IGHMBP2: variants seen among roughly 807,000 people sequenced by gnomAD.
IGHMBP2 encodes the protein immunoglobulin mu DNA binding protein 2, also known as DNA-binding protein SMUBP-2.
IGHMBP2 carries 81 observed loss-of-function variants against 96.0 expected under a neutral mutation model. The observed-to-expected ratio is 0.84, with a 90% CI of 0.71 to 1.01. The LOEUF (loss-of-function observed/expected upper bound fraction) is 1.01, where lower values mean the gene tolerates loss of function less well. Ranked by LOEUF, IGHMBP2 falls within the 50% of genes least tolerant of loss-of-function variation. The pLI is 0.00. For missense variants in IGHMBP2, 1,227 were observed against 1,306.3 expected (o/e 0.94, Z 0.94); for synonymous variants, 557 against 548.9 (o/e 1.01, Z -0.21).
rs542267674 is a variant in IGHMBP2 at position 68,933,526 on chromosome 11, C to T, written c.1418+45C>T. On this transcript the variant is annotated intron_variant, in intron 9 of 14. Coordinates refer to ENST00000255078, the MANE Select transcript of IGHMBP2 (RefSeq NM_002180.3). ...CCGCCGCCCCATCCTTCTGCCCTGG[C>T]TAATCCTCTGCGTCACCTGTTTCTA... The T allele has an allele frequency of 2.5e-5, 40 of 1,579,842 alleles. No individual in the cohort carries two copies. In the South Asian group the frequency reaches 4.2e-4, roughly 17 times the overall value.
At chr11:68,925,190 G>C (rs1859020014) in intron 7 of IGHMBP2, among the ~76,000 whole-genome samples, 1 of 146,520 alleles carries the variant, frequency 6.8e-6, no homozygotes, top group East Asian at 2.0e-4. Flanking sequence ...CTGTTGCCCA[G>C]GCTGTAGTGC....
At position 68,906,188 on chromosome 11, in the gene IGHMBP2, C is replaced by G; in HGVS notation, c.206C>G (p.Pro69Arg). ...LYGRLLVTFE[P>R]RRYGSAAALP... ...GGACGGCTGCTGGTCACCTTTGAGC[C>G]CAGGCGATACGGGTCCGCGGCAGCT... The change falls in exon 2 of 15, where the codon CCC becomes CGC. Residue 69 changes from proline to arginine, a missense_variant. Physicochemically the swap from Pro to Arg is moderately radical, Grantham distance 103 (BLOSUM62 -2). Transcript: ENST00000255078. 1 of 1,614,134 alleles carries G rather than the reference C, an allele frequency of 6.2e-7. No individual in the cohort carries two copies. The highest frequency in any genetic ancestry group is 8.5e-7 in the Non-Finnish European group (1 of 1,180,036).
At chr11:68,908,402 A>G in intron 3 of IGHMBP2, 65 bp downstream of exon 3, 4 of 1,527,294 alleles carry the variant, frequency 2.6e-6, no homozygotes, top group Admixed American at 1.7e-5. Context: ...CCATTCTTAC[A>G]TGCCTGTCGC....
intron 4 of IGHMBP2, among the ~76,000 whole-genome samples, chr11:68,909,391 G>A (rs73527306): frequency 0.032 from 4,809 of 151,742 alleles, 254 homozygotes; most frequent in African/African-American, 0.11. Context: ...TCTTGGCCAG[G>A]CTGTTCTCAA....
intron 10 of IGHMBP2, 182 bp downstream of exon 10, chr11:68,934,095 C>T (rs1859428165): frequency 1.5e-6 from 1 of 655,254 alleles, no homozygotes; most frequent in African/African-American, 1.8e-5. Context: ...GGTGAGCAGA[C>T]CGCTCCTGGG....
At chr11:68,907,815 G>A (rs949052625) in intron 2 of IGHMBP2, among the ~76,000 whole-genome samples, 15 of 151,758 alleles carry the variant, frequency 9.9e-5, no homozygotes, top group African/African-American at 2.9e-4. Context: ...TCAGCCTCCC[G>A]AGTAGCTGGG....
At chr11:68,938,907 G>T (rs3794032) in intron 14 of IGHMBP2, among the ~76,000 whole-genome samples, 1 of 152,186 alleles carries the variant, frequency 6.6e-6, no homozygotes, top group Non-Finnish European at 1.5e-5. Context: ...CAGGGCCAGG[G>T]TGGCAGCAGG....
intron 7 of IGHMBP2, among the ~76,000 whole-genome samples, chr11:68,926,772 T>A (rs1859085979): frequency 6.6e-6 from 1 of 152,160 alleles, no homozygotes; most frequent in Non-Finnish European, 1.5e-5. Context: ...TATTTATTTA[T>A]TTAATTTTTT....
chr11:68,934,652 C>A, intron 11 of IGHMBP2, 94 bp downstream of exon 11: 1 of 997,826 alleles, frequency 1.0e-6, no homozygotes. Flanking sequence ...GCTGTGGTGA[C>A]CGAAAAGTTC....
chr11:68,908,995 C>G (rs189711489), intron 4 of IGHMBP2, among the ~76,000 whole-genome samples: 91 of 151,604 alleles, frequency 6.0e-4, no homozygotes, highest in African/African-American at 1.8e-3. Context: ...CATGCACCAC[C>G]ACGCCTGGCT....
intron 7 of IGHMBP2, among the ~76,000 whole-genome samples, chr11:68,921,656 A>G (rs1033389625): frequency 6.6e-5 from 10 of 152,226 alleles, no homozygotes; most frequent in Admixed American, 6.5e-5. Flanking sequence ...ATCTTTAAAG[A>G]GATCTAAATA....
In IGHMBP2 at chr11:68,933,228, C is replaced by T. The variant is rs1859381528; in HGVS notation, c.1236-71C>T. 2.0e-6 allele frequency: 3 copies of T among 1,469,030 alleles called. No homozygotes were observed. The African/African-American group carries it at 4.2e-5, about 20-fold the overall frequency. The allele number at this position is 1,469,030 out of a possible 1,614,324, so 91.0% of individuals were successfully genotyped here. A position where few individuals can be genotyped will look rare whatever the true frequency, so the allele number is the denominator to read the frequency against. ...CCTGAGGTTTGGGGCCTGTCCTCCT[C>T]ACTTGCTGTGGTTCACACCTGGACT... On this transcript the variant is annotated intron_variant, in intron 8 of 14. Transcript: ENST00000255078.
At chr11:68,905,957 T>A (rs1038863966) in intron 1 of IGHMBP2, 112 bp from the exon 2 acceptor site, 22 of 1,076,848 alleles carry the variant, frequency 2.0e-5, no homozygotes, top group African/African-American at 4.6e-5. Context: ...GGGACATATT[T>A]AGTGCCTGTG....
intron 7 of IGHMBP2, among the ~76,000 whole-genome samples, chr11:68,922,452 G>A (rs148858247): frequency 2.6e-5 from 4 of 151,990 alleles, no homozygotes; most frequent in Non-Finnish European, 4.4e-5. Context: ...CTGGAGTGCC[G>A]TGGCGCAATC....
In IGHMBP2 at chr11:68,911,430, T is replaced by G. The variant is rs139207271; in HGVS notation, c.548-10T>G. On this transcript the variant is annotated splice_polypyrimidine_tract_variant and intron_variant, in intron 4 of 14. Coordinates refer to ENST00000255078, the MANE Select transcript of IGHMBP2 (RefSeq NM_002180.3). ...AGCACCTGAGCCTCACGCTGCTGCT[T>G]CTTCCACAGACCCGCTGACATTCTT... 1,041 of 1,613,314 alleles carry G rather than the reference T, an allele frequency of 6.5e-4. 5 individuals carry two copies. The Admixed American group carries it at 9.5e-3, about 15-fold the overall frequency.
At chr11:68,924,422 G>A (rs570010385) in intron 7 of IGHMBP2, among the ~76,000 whole-genome samples, 1 of 152,348 alleles carries the variant, frequency 6.6e-6, no homozygotes, top group East Asian at 1.9e-4. Context: ...TTATCTGGGC[G>A]GAGAGCCCAG....
At chr11:68,906,375 A>G in intron 2 of IGHMBP2, 137 bp downstream of exon 2, 1 of 962,196 alleles carries the variant, frequency 1.0e-6, no homozygotes, top group Non-Finnish European at 1.6e-6. Context: ...TCAGAAGTCC[A>G]ACAATTGATG....
At chr11:68,933,031 G>T (rs1859375759) in intron 8 of IGHMBP2, 4 of 551,968 alleles carry the variant, frequency 7.2e-6, no homozygotes, top group South Asian at 6.1e-5. Flanking sequence ...GTCATCCAGG[G>T]TCGCCTCCCC....
At chr11:68,912,864 A>AC (rs1423207902) in intron 5 of IGHMBP2, among the ~76,000 whole-genome samples, 1 of 150,270 alleles carries the variant, frequency 6.7e-6, no homozygotes, top group Non-Finnish European at 1.5e-5. Flanking sequence ...ACATGGTGAA[A>AC]CCCCGTCTCT....
Sources: gnomAD v4.1 joint callset for allele counts (sites outside exome capture counted in the v4.1 genomes callset) on GRCh38, gnomAD v4.1.1 for gene constraint, MANE v1.5 for transcripts, NCBI Gene and HGNC (gene_info 2026-07-23, HGNC 2026-07-21) for gene names.